GNS: variants seen among roughly 807,000 people sequenced by gnomAD.
GNS encodes glucosamine (N-acetyl)-6-sulfatase, also known as N-acetylglucosamine-6-sulfatase.
In GNS, 40 loss-of-function variants were observed where a neutral mutation model predicts 69.7. That is an observed-to-expected ratio of 0.57 (90% CI 0.45 to 0.75). The LOEUF (loss-of-function observed/expected upper bound fraction) is 0.75. Ranked by LOEUF, GNS falls within the 30% of genes least tolerant of loss-of-function variation. The pLI is 0.00. For synonymous variants in GNS, 243 were observed against 251.6 expected, an observed-to-expected ratio of 0.97 and a Z score of 0.32; for missense variants, 565 against 685.5, an observed-to-expected ratio of 0.82 and a Z score of 1.96.
intron 3 of GNS, among the ~76,000 whole-genome samples, chr12:64,746,779 T>C (rs756641824): frequency 2.6e-5 from 4 of 152,186 alleles, no homozygotes; most frequent in East Asian, 1.9e-4. Context: ...TTATGACCCA[T>C]AGCCCCAACC....
At chr12:64,740,438 T>C (rs1869695784) in intron 7 of GNS, among the ~76,000 whole-genome samples, 168 bp downstream of exon 7, 1 of 152,160 alleles carries the variant, frequency 6.6e-6, no homozygotes, top group East Asian at 1.9e-4. Context: ...TTCATTTGAG[T>C]GTAAAGGAAT....
intron 13 of GNS, among the ~76,000 whole-genome samples, chr12:64,718,126 T>G (rs1038561812): frequency 1.3e-5 from 2 of 152,204 alleles, no homozygotes; most frequent in Admixed American, 1.3e-4. Context: ...TCTGGTCTGA[T>G]GACCCCATTT....
chr12:64,758,128 T>C (rs549087548), intron 1 of GNS, among the ~76,000 whole-genome samples: 1 of 152,090 alleles, frequency 6.6e-6, no homozygotes, highest in East Asian at 1.9e-4. Flanking sequence ...AAGCAAAATT[T>C]ACTCTGGAAA....
intron 5 of GNS, 77 bp from the exon 6 acceptor site, chr12:64,743,385 G>C: frequency 2.9e-6 from 3 of 1,041,966 alleles, no homozygotes; most frequent in Non-Finnish European, 4.5e-6. Context: ...CTTCTGGTGA[G>C]CAGACAGTAC....
At chr12:64,729,987 A>G (rs1319757708) in intron 9 of GNS, among the ~76,000 whole-genome samples, 1 of 152,226 alleles carries the variant, frequency 6.6e-6, no homozygotes, top group African/African-American at 2.4e-5. Context: ...CTCCATTTGG[A>G]CTATCCACAT....
In GNS at chr12:64,739,139, C is replaced by T. The variant is rs567433199; in HGVS notation, c.994+242G>A. ...CGGCCTGCCTCCAACCCATCAAGCT[C>T]ATGCTCTGCTCCCACTCCTAGAACA... On this transcript the variant is annotated intron_variant, in intron 8 of 13. Transcript: ENST00000258145. Among the ~76,000 whole-genome samples, 79 of 152,302 alleles carry T rather than the reference C, an allele frequency of 5.2e-4. 1 individual carries two copies. The highest frequency in any genetic ancestry group is 6.8e-3 in the Middle Eastern group (2 of 294).
intron 9 of GNS, among the ~76,000 whole-genome samples, chr12:64,730,434 C>CAAAAAAAAAAAAAAAAAAAAAA (rs35692874): frequency 8.3e-4 from 36 of 43,354 alleles, no homozygotes; most frequent in South Asian, 1.3e-3. Context: ...ATATGAAAGG[C>CAAAAAAAAAAAAAAAAAAAAAA]AAAAAAAAAA....
chr12:64,747,847 G>A lies in GNS; in HGVS notation c.324C>T (p.His108=), dbSNP rs748968142. 3.1e-6 allele frequency: 5 copies of A among 1,609,448 alleles called. No homozygotes were observed. Among genetic ancestry groups the A allele is most frequent in the Non-Finnish European group, 4.3e-6 (5 of 1,175,852 alleles). The stretch of plus-strand genomic sequence containing the variant: ...TCCCCTCCAGAGTGTTGTTCACAAC[G>A]TGATGATTATGTGGGTACTTTCCTG... ...ILTGKYPHNH[H]VVNNTLEGNC... The change falls in exon 3 of 14, where the codon CAC becomes CAT. Residue 108 remains histidine, a synonymous_variant. Transcript: ENST00000258145.
At position 64,736,608 on chromosome 12, in the gene GNS, G is replaced by A. The variant is rs546548751; in HGVS notation, c.1098+396C>T. ...AACTTCAAAAGGAAAAAAGGCAGAT[G>A]TTGGGTCCCTATTCCAGACCAAGTG... On this transcript the variant is annotated intron_variant, in intron 9 of 13. Transcript: ENST00000258145. Among the ~76,000 whole-genome samples, 4 of 152,338 alleles carry A rather than the reference G, an allele frequency of 2.6e-5. No homozygotes were observed. In the East Asian group the frequency reaches 7.7e-4, roughly 29 times the overall value.
intron 3 of GNS, chr12:64,746,334 T>TAA (rs2136249237): frequency 6.5e-6 from 1 of 152,778 alleles, no homozygotes; most frequent in African/African-American, 2.4e-5. Flanking sequence ...TATTGACTTA[T>TAA]TATAAGTTGA....
chr12:64,747,169 C>T (rs1355671912), intron 3 of GNS, among the ~76,000 whole-genome samples: 1 of 152,224 alleles, frequency 6.6e-6, no homozygotes, highest in African/African-American at 2.4e-5. Context: ...GCTGGCCATA[C>T]ACTTTAATGA....
At chr12:64,757,476 G>A (rs1030663331) in intron 1 of GNS, among the ~76,000 whole-genome samples, 4 of 152,150 alleles carry the variant, frequency 2.6e-5, no homozygotes, top group African/African-American at 7.2e-5. Flanking sequence ...GTAGTTGGAA[G>A]AGTAGTGAAC....
At chr12:64,745,846 C>A in intron 3 of GNS, 122 bp from the exon 4 acceptor site, 1 of 718,810 alleles carries the variant, frequency 1.4e-6, no homozygotes, top group South Asian at 1.5e-5. Context: ...CCTAATTTCC[C>A]CAAATAGACA....
At chr12:64,730,538 T>C (rs565952028) in intron 9 of GNS, among the ~76,000 whole-genome samples, 3 of 150,466 alleles carry the variant, frequency 2.0e-5, no homozygotes, top group Non-Finnish European at 2.9e-5. Flanking sequence ...ATCCTGGCCC[T>C]GAATCAATTA....
chr12:64,757,905 T>A (rs1411987469), intron 1 of GNS, among the ~76,000 whole-genome samples: 2 of 152,188 alleles, frequency 1.3e-5, no homozygotes, highest in Non-Finnish European at 2.9e-5. Context: ...TATTTCATAG[T>A]CTCAGCATTC....
chr12:64,721,453 G>A, intron 12 of GNS, 142 bp downstream of exon 12: 1 of 687,200 alleles, frequency 1.5e-6, no homozygotes, highest in Non-Finnish European at 2.7e-6. Context: ...ACAACTGAAG[G>A]AAACCTAAAG....
At chr12:64,756,264 T>C (rs1273479555) in intron 1 of GNS, among the ~76,000 whole-genome samples, 2 of 152,216 alleles carry the variant, frequency 1.3e-5, no homozygotes, top group Non-Finnish European at 1.5e-5. Flanking sequence ...TTAACCACTA[T>C]TTATTTTGCC....
At chr12:64,722,288 G>A (rs1009416602) in intron 11 of GNS, among the ~76,000 whole-genome samples, 3 of 152,146 alleles carry the variant, frequency 2.0e-5, no homozygotes, top group Non-Finnish European at 2.9e-5. Context: ...AAAGTGCTAG[G>A]ATTACAGGTG....
intron 1 of GNS, among the ~76,000 whole-genome samples, chr12:64,756,365 G>A (rs1189234763): frequency 1.3e-5 from 2 of 152,164 alleles, no homozygotes; most frequent in East Asian, 3.8e-4. Context: ...TGTAAATTAA[G>A]GAGTTCCATG....
Sources: allele counts gnomAD v4.1 joint callset (sites outside exome capture counted in the v4.1 genomes callset), GRCh38; gene constraint gnomAD v4.1.1; transcripts MANE v1.5; gene names NCBI Gene and HGNC (gene_info 2026-07-23, HGNC 2026-07-21).